The following ZNF385D variants were observed in gnomAD, a reference collection of about 807,000 sequenced individuals.
The protein encoded by ZNF385D is zinc finger protein 385D.
ZNF385D carries 15 observed loss-of-function variants against 35.8 expected under a neutral mutation model. That is an observed-to-expected ratio of 0.42 (90% confidence interval 0.28 to 0.64). ZNF385D has a LOEUF of 0.64. ZNF385D is among the 30% of genes least tolerant of loss of function. ZNF385D has a pLI of 0.23. For synonymous variants in ZNF385D, 212 were observed against 186.8 expected (o/e 1.13, Z -1.10); for missense variants, 474 against 494.6 (o/e 0.96, Z 0.39).
At chr3:22,277,635 CATA>C (rs1300598348) in intron 2 of ZNF385D, among the ~76,000 whole-genome samples, 3 of 152,030 alleles carry the variant, frequency 2.0e-5, no homozygotes, top group African/African-American at 7.2e-5. Context: ...TCATGAAACT[CATA>C]ATATTATGGA....
At chr3:22,059,791 G>A (rs1050519846) in intron 3 of ZNF385D, among the ~76,000 whole-genome samples, 3 of 152,158 alleles carry the variant, frequency 2.0e-5, no homozygotes, top group Middle Eastern at 3.2e-3. Flanking sequence ...TGTGTTGACT[G>A]GGCTAAGGGA....
intron 2 of ZNF385D, among the ~76,000 whole-genome samples, chr3:21,658,615 A>C (rs1284238031): frequency 6.6e-6 from 1 of 151,678 alleles, no homozygotes; most frequent in Non-Finnish European, 1.5e-5. Context: ...CACTCTATTC[A>C]TTCATTCAAA....
At chr3:21,930,386 T>G (rs188389210) in intron 3 of ZNF385D, among the ~76,000 whole-genome samples, 171 of 151,296 alleles carry the variant, frequency 1.1e-3, no homozygotes, top group Non-Finnish European at 2.1e-3. Context: ...AGGCAATTGC[T>G]ACTCAGCTAA....
At chr3:21,975,265 A>C (rs1703523122) in intron 3 of ZNF385D, among the ~76,000 whole-genome samples, 1 of 152,194 alleles carries the variant, frequency 6.6e-6, no homozygotes, top group South Asian at 2.1e-4. Flanking sequence ...AAGAACATGG[A>C]TGGAACTGGA....
rs148989893 is a variant in ZNF385D, at chr3:22,243,530, C to T, written c.107-74495G>A. ...GAGCAAGGGAATAAGATGCTAAATA[C>T]TGTGTTTTGAAAGTGGGGTACATTT... On this transcript the variant is annotated intron_variant, in intron 2 of 5. Transcript: ENST00000494108. Among the ~76,000 whole-genome samples, 120 of 151,068 alleles carry T rather than the reference C, an allele frequency of 7.9e-4. 1 individual carries two copies. Among genetic ancestry groups the T allele is most frequent in the East Asian group, 1.6e-3 (8 of 5,110 alleles).
In ZNF385D at chr3:21,750,900, T is replaced by C; in HGVS notation, c.17A>G (p.Tyr6Cys). The C allele has an allele frequency of 6.2e-7, 1 of 1,614,130 alleles. No homozygotes were observed. The highest frequency in any genetic ancestry group is 8.5e-7 in the Non-Finnish European group (1 of 1,180,002). Reference sequence around the variant, plus strand: ...TCATCAGAGTGAACACTCACCAAAATACATTATGTTTCTCATTAATCAGAC... The same window carrying C: ...TCATCAGAGTGAACACTCACCAAAACACATTATGTTTCTCATTAATCAGAC... MRNIM[Y>C]FGGTCQSPAL... Residue 6 changes from tyrosine (Y) to cysteine (C), a missense_variant, in exon 1 of 8, where the codon TAT (tyrosine) becomes TGT (cysteine). By Grantham distance (194) the Tyr-to-Cys change is radical. Coordinates refer to ENST00000281523, the MANE Select transcript of ZNF385D (RefSeq NM_024697.3).
At chr3:21,906,073 C>T (rs151185891) in intron 3 of ZNF385D, among the ~76,000 whole-genome samples, 316 of 152,260 alleles carry the variant, frequency 2.1e-3, no homozygotes, top group Admixed American at 4.1e-3. Context: ...ATTAAACTTC[C>T]GCATATCCAT....
Position 22,033,033 on chromosome 3 carries a change from G to C in ZNF385D, c.325+135784C>G, listed in dbSNP as rs541051841. ...CTATACTGCAGACTGAGAAGAAGAA[G>C]ACAGAATCAAGATTCCGAGATTGAA... is the stretch of plus-strand genomic sequence containing the variant. On this transcript the variant is annotated intron_variant, in intron 3 of 5. Coordinates refer to the ZNF385D transcript ENST00000494108. 6.6e-5 allele frequency among the ~76,000 whole-genome samples: 10 copies of C among 152,236 alleles called. No individual in the cohort carries two copies. In the East Asian group the frequency reaches 1.9e-3, roughly 29 times the overall value.
At chr3:21,541,201 C>G (rs1343091781) in intron 3 of ZNF385D, among the ~76,000 whole-genome samples, 1 of 152,180 alleles carries the variant, frequency 6.6e-6, no homozygotes, top group African/African-American at 2.4e-5. Flanking sequence ...GGTACAATTT[C>G]ATTCCCCTTA....
intron 3 of ZNF385D, among the ~76,000 whole-genome samples, chr3:21,551,943 G>A (rs2062580982): frequency 6.6e-6 from 1 of 152,090 alleles, no homozygotes; most frequent in Non-Finnish European, 1.5e-5. Flanking sequence ...AGAGGGAAAG[G>A]AAATTGAATT....
chr3:21,606,721 C>G (rs1340701864), intron 2 of ZNF385D, among the ~76,000 whole-genome samples: 1 of 152,154 alleles, frequency 6.6e-6, no homozygotes, highest in African/African-American at 2.4e-5. Flanking sequence ...ACTGTGGCTT[C>G]TATTAAATAA....
At chr3:21,910,243 C>A (rs546662187) in intron 3 of ZNF385D, among the ~76,000 whole-genome samples, 5 of 151,838 alleles carry the variant, frequency 3.3e-5, no homozygotes, top group African/African-American at 1.2e-4. Flanking sequence ...GAAATGATAC[C>A]ATTTGCCAGG....
intron 3 of ZNF385D, among the ~76,000 whole-genome samples, chr3:21,791,144 T>A (rs2071910887): frequency 6.6e-6 from 1 of 152,198 alleles, no homozygotes; most frequent in Non-Finnish European, 1.5e-5. Flanking sequence ...CAATGCAGCA[T>A]TTATAAGCTT....
chr3:21,486,055 G>C (rs1354872091), intron 4 of ZNF385D, among the ~76,000 whole-genome samples: 1 of 139,002 alleles, frequency 7.2e-6, no homozygotes, highest in Non-Finnish European at 1.5e-5. Context: ...ACAGGATCCT[G>C]TGTTAGGATT....
intron 3 of ZNF385D, among the ~76,000 whole-genome samples, chr3:21,852,804 C>T (rs958780833): frequency 8.6e-5 from 13 of 151,730 alleles, no homozygotes; most frequent in African/African-American, 2.4e-4. Flanking sequence ...GAAGGGAAGA[C>T]GGATTAGGAT....
At chr3:22,071,712 CGAA>C (rs1164617655) in intron 3 of ZNF385D, among the ~76,000 whole-genome samples, 6 of 152,026 alleles carry the variant, frequency 3.9e-5, no homozygotes, top group African/African-American at 1.4e-4. Context: ...GTGAAGAAGA[CGAA>C]GAAGAATGAA....
At chr3:21,707,487 T>C (rs1002522674) in intron 1 of ZNF385D, among the ~76,000 whole-genome samples, 1 of 152,192 alleles carries the variant, frequency 6.6e-6, no homozygotes, top group Admixed American at 6.5e-5. Flanking sequence ...CATCCTGATA[T>C]CTCCTTTAAT....
At chr3:21,965,118 A>C (rs2125327618) in intron 3 of ZNF385D, among the ~76,000 whole-genome samples, 1 of 152,298 alleles carries the variant, frequency 6.6e-6, no homozygotes, top group East Asian at 1.9e-4. Context: ...AAGAGAAGAG[A>C]TCTATGATGA....
At chr3:21,468,401 CAAAAAAA>C (rs1175784477) in intron 4 of ZNF385D, among the ~76,000 whole-genome samples, 1 of 72,650 alleles carries the variant, frequency 1.4e-5, no homozygotes, top group South Asian at 6.0e-4. Context: ...GACACTGTCT[CAAAAAAA>C]AAAAAAAAAA....
Sources: allele counts gnomAD v4.1 joint callset (sites outside exome capture counted in the v4.1 genomes callset), GRCh38; gene constraint gnomAD v4.1.1; transcripts MANE v1.5; gene names NCBI Gene and HGNC (gene_info 2026-07-23, HGNC 2026-07-21).